PTPRG: variants seen among roughly 807,000 people sequenced by gnomAD.
PTPRG encodes receptor-type tyrosine-protein phosphatase gamma.
Under a neutral mutation model 165.3 loss-of-function variants are expected in PTPRG, and 102 were observed. The observed-to-expected ratio is 0.62, with a 90% confidence interval of 0.53 to 0.73. PTPRG has a LOEUF of 0.73. PTPRG is among the 30% of genes least tolerant of loss of function. PTPRG has a pLI of 0.00. For missense variants in PTPRG, 1,866 were observed against 1,861.4 expected, an observed-to-expected ratio of 1.00 and a Z score of -0.05; for synonymous variants, 675 against 669.5, an observed-to-expected ratio of 1.01 and a Z score of -0.13.
At chr3:61,911,627 C>T (rs140563425) in intron 2 of PTPRG, among the ~76,000 whole-genome samples, 39 of 152,120 alleles carry the variant, frequency 2.6e-4, no homozygotes, top group African/African-American at 7.0e-4. Context: ...CATGCTGCTG[C>T]GTCATGGTTT....
chr3:61,821,638 A>G (rs560408239), intron 2 of PTPRG, among the ~76,000 whole-genome samples: 2 of 152,216 alleles, frequency 1.3e-5, no homozygotes, highest in East Asian at 1.9e-4. Context: ...GATGACCCTA[A>G]GCATAGAAGA....
rs767714423 is a variant in PTPRG at position 62,214,314 on chromosome 3, G to A, written c.2156-4537G>A. Among the ~76,000 whole-genome samples the A allele has an allele frequency of 9.9e-5, 15 of 152,208 alleles. No homozygotes were observed. Among genetic ancestry groups the A allele is most frequent in the African/African-American group, 3.6e-4 (15 of 41,440 alleles). The stretch of plus-strand genomic sequence containing the variant: ...ATGATGCTGTTGCTAGGATGGTGGC[G>A]GGTGATGGTGTTGCCGAAGCTGGGG... On this transcript the variant is annotated intron_variant, in intron 12 of 29. Coordinates refer to ENST00000474889, the MANE Select transcript of PTPRG (RefSeq NM_002841.4). The surrounding 1 kb of genome is among the most constrained non-coding windows in gnomAD (Gnocchi z 5.2).
intron 2 of PTPRG, among the ~76,000 whole-genome samples, chr3:61,757,074 T>C (rs920671267): frequency 6.6e-6 from 1 of 152,188 alleles, no homozygotes; most frequent in African/African-American, 2.4e-5. Context: ...GTAATTATAA[T>C]ACATGCTTAC....
chr3:61,725,718 T>C (rs1409351065), intron 1 of PTPRG, among the ~76,000 whole-genome samples: 2 of 151,974 alleles, frequency 1.3e-5, no homozygotes, highest in Admixed American at 1.3e-4. Flanking sequence ...ACCTTTTTTT[T>C]TTTTTTTTGG....
chr3:62,187,905 C>T (rs1455385892), intron 8 of PTPRG, among the ~76,000 whole-genome samples: 10 of 152,182 alleles, frequency 6.6e-5, no homozygotes, highest in South Asian at 4.1e-4. Context: ...AATTCCCTTC[C>T]TGGCAGGTGA....
intron 1 of PTPRG, among the ~76,000 whole-genome samples, chr3:61,617,665 C>T (rs1020209174): frequency 6.6e-6 from 1 of 152,112 alleles, no homozygotes; most frequent in African/African-American, 2.4e-5. Flanking sequence ...GCCAGAGGCT[C>T]GGCTCCAGCA....
chr3:61,967,203 G>T (rs1266429258), intron 2 of PTPRG, among the ~76,000 whole-genome samples: 1 of 152,172 alleles, frequency 6.6e-6, no homozygotes, highest in African/African-American at 2.4e-5. Flanking sequence ...AGGGCCTATT[G>T]CAGTTATCAC....
chr3:62,281,931 T>C (rs954177549), intron 27 of PTPRG, among the ~76,000 whole-genome samples: 3 of 152,050 alleles, frequency 2.0e-5, no homozygotes, highest in Non-Finnish European at 4.4e-5. Context: ...TGCATACAAA[T>C]AGGTCTGTTG....
intron 28 of PTPRG, among the ~76,000 whole-genome samples, chr3:62,290,329 A>C (rs1702835746): frequency 6.6e-6 from 1 of 152,142 alleles, no homozygotes; most frequent in South Asian, 2.1e-4. Context: ...CAAAATCCCA[A>C]CAAAAATGTT....
intron 2 of PTPRG, among the ~76,000 whole-genome samples, chr3:61,983,728 T>G (rs1461673294): frequency 6.6e-6 from 1 of 152,176 alleles, no homozygotes; most frequent in Non-Finnish European, 1.5e-5. Context: ...CATACAACTT[T>G]TATCTTAGGT....
chr3:61,709,721 G>T (rs1186797672), intron 1 of PTPRG, among the ~76,000 whole-genome samples: 1 of 152,120 alleles, frequency 6.6e-6, no homozygotes, highest in African/African-American at 2.4e-5. Context: ...ATTTTGCAAT[G>T]CCTCCTCTTG....
intron 1 of PTPRG, among the ~76,000 whole-genome samples, chr3:61,669,219 C>T (rs1702897178): frequency 1.3e-5 from 2 of 152,078 alleles, no homozygotes; most frequent in Admixed American, 1.3e-4. Flanking sequence ...GTGTTTGTTT[C>T]AGGCAAGATT....
chr3:62,270,128 T>G (rs1450739294), intron 20 of PTPRG, among the ~76,000 whole-genome samples: 1 of 152,138 alleles, frequency 6.6e-6, no homozygotes, highest in Non-Finnish European at 1.5e-5. Context: ...TAGACGCTCA[T>G]TAAAAAATGT....
intron 2 of PTPRG, among the ~76,000 whole-genome samples, chr3:61,804,552 G>T (rs1400028432): frequency 1.3e-5 from 2 of 152,062 alleles, no homozygotes; most frequent in Non-Finnish European, 2.9e-5. Flanking sequence ...ACATAGATCT[G>T]TCTCATCAGT....
intron 2 of PTPRG, among the ~76,000 whole-genome samples, chr3:61,949,687 C>A (rs776032718): frequency 6.6e-6 from 1 of 151,610 alleles, no homozygotes; most frequent in Middle Eastern, 3.2e-3. Context: ...CCTTCCTAAG[C>A]CTTTGGGTTT....
Position 61,760,650 on chromosome 3 carries a change from G to T in PTPRG, c.190+11668G>T, listed in dbSNP as rs1559597169. ...AGGGGTACTTGTACAGGATGTGCAG[G>T]TTTGTTACAAAGGGAAAGTGCGCCT... On this transcript the variant is annotated intron_variant, in intron 2 of 29. Coordinates refer to ENST00000474889, the MANE Select transcript of PTPRG (RefSeq NM_002841.4). 2.0e-5 allele frequency among the ~76,000 whole-genome samples: 3 copies of T among 152,208 alleles called. No homozygotes were observed. The East Asian group carries it at 5.8e-4, about 29-fold the overall frequency.
rs1013021718 is a variant in PTPRG, at chr3:61,562,119, C to G, written c.-169C>G. 5.1e-5 allele frequency: 26 copies of G among 505,796 alleles called. No individual in the cohort carries two copies. The highest frequency in any genetic ancestry group is 1.8e-4 in the East Asian group (5 of 28,544). The allele number at this position is 505,796 out of a possible 1,614,324, so 31.3% of individuals were successfully genotyped here. On this transcript the variant is annotated 5_prime_UTR_variant, in exon 1 of 30. Coordinates refer to ENST00000474889, the MANE Select transcript of PTPRG (RefSeq NM_002841.4). ...ACTTTTTGAGATTTTCCGGGGGGCG[C>G]TCGGCGGCTTCCCGGATTCCAAGGG...
intron 2 of PTPRG, among the ~76,000 whole-genome samples, chr3:61,920,112 T>TC (rs1289467910): frequency 6.6e-6 from 1 of 152,270 alleles, no homozygotes; most frequent in East Asian, 1.9e-4. Flanking sequence ...CATAGGGAGA[T>TC]CCCACATGCC....
intron 6 of PTPRG, among the ~76,000 whole-genome samples, chr3:62,135,161 C>T (rs1415522187): frequency 6.6e-6 from 1 of 150,596 alleles, no homozygotes; most frequent in Admixed American, 6.6e-5. Context: ...GCAGTCCCAG[C>T]TACTTGGGAG....
Sources: gnomAD v4.1 joint callset for allele counts (sites outside exome capture counted in the v4.1 genomes callset) on GRCh38, gnomAD v4.1.1 for gene constraint, Gnocchi (gnomAD v3.1) non-coding constraint, MANE v1.5 for transcripts, NCBI Gene and HGNC (gene_info 2026-07-23, HGNC 2026-07-21) for gene names.